WWOX: variants seen among roughly 807,000 people sequenced by gnomAD.
WWOX encodes the protein WW domain-containing oxidoreductase.
A neutral mutation model predicts 46.2 loss-of-function variants in WWOX; 69 were observed. The observed-to-expected ratio is 1.49, with a 90% CI of 1.23 to 1.82. The LOEUF (loss-of-function observed/expected upper bound fraction) is 1.82, where lower values mean the gene tolerates loss of function less well. Among genes scored for constraint, WWOX ranks in the 40% most tolerant of loss-of-function variants. The pLI, the probability that WWOX is intolerant of heterozygous loss-of-function variation, is 0.00. For synonymous variants in WWOX, 359 were observed against 202.6 expected (o/e 1.77, Z -6.56); for missense variants, 919 against 542.6 (o/e 1.69, Z -6.89).
chr16:78,711,653 G>C (rs1356244495), intron 8 of WWOX, among the ~76,000 whole-genome samples: 1 of 152,160 alleles, frequency 6.6e-6, no homozygotes, highest in African/African-American at 2.4e-5. Flanking sequence ...AAATGTATTT[G>C]AGACGAACAG....
At chr16:78,827,732 T>C (rs1028426100) in intron 8 of WWOX, among the ~76,000 whole-genome samples, 2 of 151,776 alleles carry the variant, frequency 1.3e-5, no homozygotes, top group African/African-American at 4.8e-5. Flanking sequence ...TCCCAGCTAC[T>C]TGGGAGGCTA....
intron 8 of WWOX, among the ~76,000 whole-genome samples, chr16:78,738,780 C>G (rs1371877884): frequency 1.3e-5 from 2 of 152,096 alleles, no homozygotes; most frequent in Admixed American, 6.5e-5. Context: ...CTGTGCAACC[C>G]TAGAGCCATT....
intron 8 of WWOX, chr16:79,106,654 G>T (rs544225788): frequency 8.1e-6 from 1 of 124,072 alleles, no homozygotes; most frequent in African/African-American, 3.1e-5. Flanking sequence ...TTGGAATGCA[G>T]TGTCAGGATC....
intron 4 of WWOX, among the ~76,000 whole-genome samples, chr16:78,158,990 A>G (rs1428997252): frequency 6.6e-6 from 1 of 151,846 alleles, no homozygotes; most frequent in Non-Finnish European, 1.5e-5. Flanking sequence ...TATGAGTTTG[A>G]GTGTCTTAGA....
chr16:78,109,359 T>G (rs745404210), intron 2 of WWOX, among the ~76,000 whole-genome samples: 1 of 151,948 alleles, frequency 6.6e-6, no homozygotes, highest in Non-Finnish European at 1.5e-5. Context: ...TTAAGAGGTT[T>G]AGGATCCAGC....
chr16:78,100,324 C>T (rs2031684233), intron 1 of WWOX: 1 of 844,008 alleles, frequency 1.2e-6, no homozygotes, highest in Non-Finnish European at 1.5e-6. Flanking sequence ...GCCATCATAG[C>T]CCACTGTAGC....
At chr16:79,158,024 C>T (rs1418679124) in intron 8 of WWOX, among the ~76,000 whole-genome samples, 1 of 152,068 alleles carries the variant, frequency 6.6e-6, no homozygotes, top group Non-Finnish European at 1.5e-5. Flanking sequence ...AAAAGGGGTG[C>T]CCCCAAGTGA....
intron 8 of WWOX, among the ~76,000 whole-genome samples, chr16:78,787,004 C>A (rs181751770): frequency 1.1e-4 from 16 of 152,126 alleles, no homozygotes; most frequent in Non-Finnish European, 1.6e-4. Context: ...ACAAATTAGC[C>A]AGGTGTGGTG....
At chr16:78,453,841 T>A (rs770378835) in intron 8 of WWOX, among the ~76,000 whole-genome samples, 10 of 151,164 alleles carry the variant, frequency 6.6e-5, no homozygotes, top group Non-Finnish European at 1.5e-4. Context: ...CATTTTTTTT[T>A]ATTTTATAGT....
chr16:78,633,597 A>T (rs965000913), intron 8 of WWOX, among the ~76,000 whole-genome samples: 9 of 152,124 alleles, frequency 5.9e-5, no homozygotes, highest in African/African-American at 2.2e-4. Context: ...CTGGCTTCAG[A>T]GATGCCACTA....
chr16:78,445,430 G>C (rs913474906), intron 8 of WWOX, among the ~76,000 whole-genome samples: 2 of 152,156 alleles, frequency 1.3e-5, no homozygotes, highest in South Asian at 4.1e-4. Flanking sequence ...GCTAGGGACA[G>C]AATGCTGTAC....
intron 8 of WWOX, chr16:78,780,396 TC>T (rs1407481743): frequency 6.6e-6 from 1 of 152,234 alleles, no homozygotes; most frequent in Non-Finnish European, 1.5e-5. Flanking sequence ...ATTCATGTCA[TC>T]CTTTGGATGT....
intron 8 of WWOX, among the ~76,000 whole-genome samples, chr16:78,970,828 A>G (rs948663124): frequency 1.3e-5 from 2 of 152,156 alleles, no homozygotes; most frequent in African/African-American, 4.8e-5. Flanking sequence ...TTCATGTACC[A>G]GGAAGTCTTG....
In WWOX at chr16:78,702,044, T is replaced by TATAA. The variant is rs1419045896; in HGVS notation, c.1056+269293_1056+269294insTAAA. Among the ~76,000 whole-genome samples the TATAA allele has an allele frequency of 7.7e-4, 85 of 109,978 alleles. 2 individuals are homozygous for TATAA. Among genetic ancestry groups the TATAA allele is most frequent in the African/African-American group, 2.4e-3 (62 of 26,074 alleles). 72.1% of individuals were successfully genotyped at this position (109,978 alleles called of 152,430 possible). A position where few individuals can be genotyped will look rare whatever the true frequency, so the allele number is the denominator to read the frequency against. ...ATATATATATATATATATATATATATAAAATAATGCAGAAGTTTTATATAT... is the reference window on the plus strand; with the variant it reads ...ATATATATATATATATATATATATATATAAAAAATAATGCAGAAGTTTTATATAT... On this transcript the variant is annotated intron_variant, in intron 8 of 8. Transcript: ENST00000566780.
intron 8 of WWOX, among the ~76,000 whole-genome samples, chr16:78,439,557 G>A (rs1239447563): frequency 6.6e-6 from 1 of 152,174 alleles, no homozygotes; most frequent in Non-Finnish European, 1.5e-5. Flanking sequence ...AAGTAAGTTG[G>A]AAAAGGGCAA....
chr16:78,195,842 A>AG (rs1451937917), intron 5 of WWOX, among the ~76,000 whole-genome samples: 16 of 133,584 alleles, frequency 1.2e-4, no homozygotes, highest in Admixed American at 2.9e-4. Flanking sequence ...AAAAAAAAAG[A>AG]AAAAAAAAAG....
intron 4 of WWOX, among the ~76,000 whole-genome samples, chr16:78,144,778 A>T (rs1290549718): frequency 6.6e-6 from 1 of 151,442 alleles, no homozygotes; most frequent in African/African-American, 2.4e-5. Context: ...ACCTTGGCCT[A>T]CCAAAGTGCT....
At chr16:78,788,030 T>C (rs2050498748) in intron 8 of WWOX, among the ~76,000 whole-genome samples, 1 of 152,224 alleles carries the variant, frequency 6.6e-6, no homozygotes, top group African/African-American at 2.4e-5. Context: ...GTTGTTTATA[T>C]ATTTTGGATA....
At chr16:78,321,930 G>A (rs2080493147) in intron 5 of WWOX, among the ~76,000 whole-genome samples, 1 of 152,196 alleles carries the variant, frequency 6.6e-6, no homozygotes, top group Non-Finnish European at 1.5e-5. Context: ...TTTTAGTTGT[G>A]AGTGGTTGTT....
Sources: allele counts gnomAD v4.1 joint callset (sites outside exome capture counted in the v4.1 genomes callset), GRCh38; gene constraint gnomAD v4.1.1; transcripts MANE v1.5; gene names NCBI Gene and HGNC (gene_info 2026-07-23, HGNC 2026-07-21).